RPSA2: variants seen among roughly 807,000 people sequenced by gnomAD.
The protein encoded by RPSA2 is ribosomal protein SA 2.
At chr19:23,860,211 G>A in the RPSA2 span, among the ~76,000 whole-genome samples, 139 of 152,220 alleles carry the variant, frequency 9.1e-4, 1 homozygote, top group Non-Finnish European at 1.4e-3. Flanking sequence ...ATAATTCTAA[G>A]CAATCATTCA....
chr19:23,806,918 G>A, the RPSA2 span, among the ~76,000 whole-genome samples: 11 of 151,852 alleles, frequency 7.2e-5, no homozygotes, highest in African/African-American at 2.4e-4. Flanking sequence ...CCATATAACC[G>A]ATGTTTTCTT....
the RPSA2 span, among the ~76,000 whole-genome samples, chr19:23,869,024 G>A: frequency 6.6e-6 from 1 of 152,124 alleles, no homozygotes; most frequent in African/African-American, 2.4e-5. Context: ...CATGTTCTTG[G>A]CCATGTTAGC....
At chr19:23,865,522 G>A in the RPSA2 span, among the ~76,000 whole-genome samples, 148,900 of 152,224 alleles carry the variant, frequency 0.98, 72,916 homozygotes, top group Middle Eastern at 1. Flanking sequence ...ATTCTGCCAG[G>A]CAACAGAAGT....
At chr19:23,826,770 C>CT in the RPSA2 span, among the ~76,000 whole-genome samples, 1 of 152,148 alleles carries the variant, frequency 6.6e-6, no homozygotes, top group Non-Finnish European at 1.5e-5. Flanking sequence ...ACTGCAACCT[C>CT]TGCCTCCTGG....
chr19:23,778,945 A>G, the RPSA2 span, among the ~76,000 whole-genome samples: 1 of 139,496 alleles, frequency 7.2e-6, no homozygotes, highest in Non-Finnish European at 1.5e-5. Context: ...CATTTAGGTA[A>G]TTTGACTGAC....
chr19:23,766,470 G>GAGACA, the RPSA2 span, among the ~76,000 whole-genome samples: 1 of 73,024 alleles, frequency 1.4e-5, no homozygotes, highest in Non-Finnish European at 2.8e-5. Context: ...TTTTTTTTTT[G>GAGACA]AGACAGAGTC....
chr19:23,830,812 G>A, the RPSA2 span, among the ~76,000 whole-genome samples: 1 of 151,456 alleles, frequency 6.6e-6, no homozygotes, highest in Non-Finnish European at 1.5e-5. Flanking sequence ...TATTTTTGCT[G>A]GGATCATATT....
At chr19:23,840,433 A>C in the RPSA2 span, among the ~76,000 whole-genome samples, 11 of 152,102 alleles carry the variant, frequency 7.2e-5, no homozygotes, top group Admixed American at 7.2e-4. Flanking sequence ...AAACATTCTT[A>C]TTGGGGATGG....
the RPSA2 span, among the ~76,000 whole-genome samples, chr19:23,851,588 C>G: frequency 6.6e-6 from 1 of 152,140 alleles, no homozygotes. Flanking sequence ...ATAACATAAG[C>G]AGAATCAGAG....
the RPSA2 span, among the ~76,000 whole-genome samples, chr19:23,853,258 G>T: frequency 2.6e-5 from 4 of 152,250 alleles, no homozygotes; most frequent in African/African-American, 9.6e-5. Context: ...CAATTCTTAG[G>T]TATTAAAGCA....
the RPSA2 span, chr19:23,832,697 T>A: frequency 6.6e-7 from 1 of 1,508,028 alleles, no homozygotes; most frequent in South Asian, 1.1e-5. Context: ...CATAAGAGGA[T>A]GCACACTGGA....
At chr19:23,831,789 C>T in the RPSA2 span, 1 of 296,746 alleles carries the variant, frequency 3.4e-6, no homozygotes, top group South Asian at 4.2e-5. Context: ...TTCACAACTA[C>T]TCAGAGCAAA....
chr19:23,832,925 C>T, the RPSA2 span: 4 of 1,530,736 alleles, frequency 2.6e-6, no homozygotes, highest in Non-Finnish European at 3.5e-6. Context: ...AACCTGTCTT[C>T]AAGCTTTACT....
At chr19:23,856,311 C>T in the RPSA2 span, among the ~76,000 whole-genome samples, 1 of 152,136 alleles carries the variant, frequency 6.6e-6, no homozygotes, top group Admixed American at 6.5e-5. Context: ...CCCATAGTTC[C>T]ACATCTAACG....
the RPSA2 span, chr19:23,827,592 C>G: frequency 6.3e-7 from 1 of 1,587,018 alleles, no homozygotes; most frequent in East Asian, 2.2e-5. Context: ...AACCTACCTA[C>G]CATTGCGCTG....
chr19:23,824,046 C>G, the RPSA2 span: 1 of 152,294 alleles, frequency 6.6e-6, no homozygotes, highest in South Asian at 2.1e-4. Flanking sequence ...TCAGTGGATT[C>G]ACACACAAAA....
At chr19:23,762,201 C>T in the RPSA2 span, among the ~76,000 whole-genome samples, 1 of 149,812 alleles carries the variant, frequency 6.7e-6, no homozygotes, top group Admixed American at 6.7e-5. Flanking sequence ...CAGGCGTGAG[C>T]CACCGTGCCC....
At chr19:23,840,304 T>C in the RPSA2 span, among the ~76,000 whole-genome samples, 1 of 152,224 alleles carries the variant, frequency 6.6e-6, no homozygotes, top group East Asian at 1.9e-4. Context: ...TTCAGAGCCT[T>C]ATCTTTATTC....
chr19:23,790,306 C>A, the RPSA2 span, among the ~76,000 whole-genome samples: 1 of 152,100 alleles, frequency 6.6e-6, no homozygotes, highest in East Asian at 1.9e-4. Flanking sequence ...CTGATTTTCT[C>A]TTGAACAATA....
Sources: gnomAD v4.1 joint callset for allele counts (sites outside exome capture counted in the v4.1 genomes callset) on GRCh38, gnomAD v4.1.1 for gene constraint, MANE v1.5 for transcripts, NCBI Gene and HGNC (gene_info 2026-07-23, HGNC 2026-07-21) for gene names.